The following FGF13 variants were observed in gnomAD, a reference collection of about 807,000 sequenced individuals.
FGF13 encodes fibroblast growth factor 13, also known as fibroblast growth factor homologous factor 2.
FGF13 carries 2 observed loss-of-function variants against 19.5 expected under a neutral mutation model. That is an observed-to-expected ratio of 0.10 (90% CI 0.04 to 0.32). FGF13 has a LOEUF of 0.32. Among genes scored for constraint, FGF13 ranks in the 10% least tolerant of loss-of-function variants. The pLI is 1.00. For missense variants in FGF13, 113 were observed against 192.7 expected (o/e 0.59, Z 2.45); for synonymous variants, 72 against 76.9 (o/e 0.94, Z 0.33).
chrX:139,184,378 T>C (rs1423811846), intron 1 of FGF13, among the ~76,000 whole-genome samples: 1 of 111,715 alleles, frequency 9.0e-6, no homozygotes, highest in Non-Finnish European at 1.9e-5. Context: ...TTGTGCACTT[T>C]TATTTTACCC....
At chrX:138,811,532 C>T (rs143716788) in intron 3 of FGF13, among the ~76,000 whole-genome samples, 126 of 110,309 alleles carry the variant, frequency 1.1e-3, no homozygotes, top group East Asian at 4.9e-3. Flanking sequence ...CAACATGGCG[C>T]ACGTATCCAT....
At chrX:138,725,760 C>T (rs1228733134) in intron 1 of FGF13, among the ~76,000 whole-genome samples, 5 of 111,025 alleles carry the variant, frequency 4.5e-5, no homozygotes, top group Non-Finnish European at 9.5e-5. Flanking sequence ...CTTATAGGTA[C>T]TCAGGAAGCT....
rs969835930 is a variant in FGF13, at chrX:138,638,280, G to A, written c.403-2625C>T. On this transcript the variant is annotated intron_variant, in intron 3 of 4. Coordinates refer to ENST00000315930, the MANE Select transcript of FGF13 (RefSeq NM_004114.5). ...TTCAGTCACTACCATGCCTTCCAGC[G>A]TCATCTTCCAGTGTCATTCACCACA... is the stretch of plus-strand genomic sequence containing the variant. 1.3e-4 allele frequency among the ~76,000 whole-genome samples: 14 copies of A among 111,848 alleles called. 1 individual carries two copies. Among genetic ancestry groups the A allele is most frequent in the African/African-American group, 4.2e-4 (13 of 30,734 alleles).
intron 1 of FGF13, among the ~76,000 whole-genome samples, chrX:139,068,125 C>T (rs1290479943): frequency 1.1e-5 from 1 of 92,930 alleles, no homozygotes; most frequent in Non-Finnish European, 2.1e-5. Flanking sequence ...TTAGGTCTAA[C>T]GTTTAAGTCT....
At chrX:138,892,789 G>T (rs1436909942) in intron 1 of FGF13, among the ~76,000 whole-genome samples, 1 of 110,095 alleles carries the variant, frequency 9.1e-6, no homozygotes, top group Non-Finnish European at 1.9e-5. Flanking sequence ...GGGTTCTAGA[G>T]AACCTAGTTG....
rs747764978 is a variant in FGF13 at position 139,180,304 on chromosome X, G to C, written c.-113+23112C>G. On this transcript the variant is annotated intron_variant, in intron 1 of 2. Transcript: ENST00000421460. The stretch of plus-strand genomic sequence containing the variant: ...ATCAATTAGAATGCAAATTCTTTGG[G>C]GGCAAAGGCCATGCATCATCAATCT... Among the ~76,000 whole-genome samples, 7 of 111,703 alleles carry C rather than the reference G, an allele frequency of 6.3e-5. No individual in the cohort carries two copies. In the East Asian group the frequency reaches 2.0e-3, roughly 32 times the overall value.
At chrX:138,799,378 G>T in intron 3 of FGF13, among the ~76,000 whole-genome samples, 1 of 112,132 alleles carries the variant, frequency 8.9e-6, no homozygotes, top group Non-Finnish European at 1.9e-5. Context: ...TTTTGAGTGA[G>T]TTTCTTAATC....
At chrX:138,790,043 C>CACAAAAAA (rs2090728986) in intron 3 of FGF13, among the ~76,000 whole-genome samples, 1 of 29,166 alleles carries the variant, frequency 3.4e-5, no homozygotes, top group African/African-American at 1.1e-4. Flanking sequence ...AGACTCCATT[C>CACAAAAAA]AAAAAAAAAA....
chrX:139,065,498 A>G (rs12557552), intron 1 of FGF13, among the ~76,000 whole-genome samples: 5,538 of 84,168 alleles, frequency 0.066, 481 homozygotes, highest in African/African-American at 0.26. Context: ...AAAAAAAAGA[A>G]AAAGAAAAAA....
At chrX:138,749,454 C>G (rs1201853105) in intron 3 of FGF13, among the ~76,000 whole-genome samples, 2 of 110,412 alleles carry the variant, frequency 1.8e-5, no homozygotes, top group African/African-American at 6.6e-5. Flanking sequence ...GGGCGGGTAC[C>G]CATGCCTACC....
chrX:138,907,437 C>G (rs2091564164), intron 1 of FGF13, among the ~76,000 whole-genome samples: 1 of 111,473 alleles, frequency 9.0e-6, no homozygotes, highest in Non-Finnish European at 1.9e-5. Context: ...AGCTGGAGTT[C>G]TAGTAATTCA....
chrX:138,801,142 A>G (rs2090825718), intron 3 of FGF13, among the ~76,000 whole-genome samples: 1 of 112,073 alleles, frequency 8.9e-6, no homozygotes, highest in East Asian at 2.8e-4. Flanking sequence ...AGTTACAATC[A>G]TTTGGAGGAG....
intron 1 of FGF13, among the ~76,000 whole-genome samples, chrX:139,172,304 G>A (rs762515844): frequency 8.9e-6 from 1 of 111,903 alleles, no homozygotes; most frequent in Non-Finnish European, 1.9e-5. Context: ...GCAGCAGGTT[G>A]TAAGGCCAGT....
At chrX:138,983,414 T>TTATATATA (rs377155816) in intron 1 of FGF13, among the ~76,000 whole-genome samples, 3,471 of 81,057 alleles carry the variant, frequency 0.043, 104 homozygotes, top group African/African-American at 0.081. Context: ...TAAGTTGATC[T>TTATATATA]TATATATATA....
intron 1 of FGF13, among the ~76,000 whole-genome samples, chrX:138,918,393 C>T (rs188486529): frequency 9.0e-6 from 1 of 111,307 alleles, no homozygotes; most frequent in Non-Finnish European, 1.9e-5. Flanking sequence ...ATTCACTGTT[C>T]TAAGCAGGTC....
intron 1 of FGF13, among the ~76,000 whole-genome samples, chrX:139,003,289 G>C (rs1296117115): frequency 9.0e-6 from 1 of 110,800 alleles, no homozygotes; most frequent in African/African-American, 3.3e-5. Context: ...GTTCCTCCCG[G>C]TGGGCTTGTG....
intron 1 of FGF13, among the ~76,000 whole-genome samples, chrX:139,172,625 T>C (rs1391177837): frequency 7.2e-5 from 8 of 111,832 alleles, no homozygotes; most frequent in African/African-American, 2.3e-4. Context: ...CCACTATTGA[T>C]AGATATCAGA....
intron 3 of FGF13, among the ~76,000 whole-genome samples, chrX:138,649,761 A>T (rs1030580584): frequency 8.9e-6 from 1 of 112,529 alleles, no homozygotes; most frequent in African/African-American, 3.2e-5. Context: ...TAAAGCAGGT[A>T]TAAGTTCTGG....
At chrX:139,186,744 C>T (rs905456018) in intron 1 of FGF13, among the ~76,000 whole-genome samples, 1 of 111,878 alleles carries the variant, frequency 8.9e-6, no homozygotes, top group Non-Finnish European at 1.9e-5. Flanking sequence ...TTCCCTCTCT[C>T]TCTCCCTTCC....
Sources: gnomAD v4.1 joint callset for allele counts (sites outside exome capture counted in the v4.1 genomes callset) on GRCh38, gnomAD v4.1.1 for gene constraint, MANE v1.5 for transcripts, NCBI Gene and HGNC (gene_info 2026-07-23, HGNC 2026-07-21) for gene names.